The following CTNND2 variants were observed in gnomAD, a reference collection of about 807,000 sequenced individuals.
The protein encoded by CTNND2 is catenin delta-2.
Under a neutral mutation model 144.4 loss-of-function variants are expected in CTNND2, and 22 were observed. The observed-to-expected ratio is 0.15, with a 90% CI of 0.11 to 0.22. CTNND2 has a LOEUF of 0.22. Among genes scored for constraint, CTNND2 ranks in the 10% least tolerant of loss-of-function variants. The pLI is 1.00. For synonymous variants in CTNND2, 751 were observed against 695.6 expected (o/e 1.08, Z -1.25); for missense variants, 1,353 against 1,618.8 (o/e 0.84, Z 2.82).
chr5:11,828,525 C>T (rs556786384), intron 1 of CTNND2, among the ~76,000 whole-genome samples: 61 of 152,044 alleles, frequency 4.0e-4, no homozygotes, highest in Middle Eastern at 6.8e-3. Flanking sequence ...AGTGAAACTC[C>T]GACTAAAAAT....
chr5:11,291,255 CT>C (rs1376103657), intron 9 of CTNND2, among the ~76,000 whole-genome samples: 3 of 151,948 alleles, frequency 2.0e-5, no homozygotes, highest in African/African-American at 7.3e-5. Context: ...CTTTTCTTTT[CT>C]TTTTTTTCAA....
intron 11 of CTNND2, among the ~76,000 whole-genome samples, chr5:11,168,527 C>CTA (rs1759575815): frequency 6.6e-6 from 1 of 152,150 alleles, no homozygotes; most frequent in South Asian, 2.1e-4. Flanking sequence ...TTGCTTAGAA[C>CTA]TATAGCCTTC....
At chr5:11,521,207 T>C (rs1197235528) in intron 3 of CTNND2, among the ~76,000 whole-genome samples, 1 of 152,208 alleles carries the variant, frequency 6.6e-6, no homozygotes, top group Non-Finnish European at 1.5e-5. Flanking sequence ...TTAATGTTTT[T>C]TACCTTTTAA....
intron 9 of CTNND2, among the ~76,000 whole-genome samples, chr5:11,248,565 C>T (rs945800578): frequency 6.6e-6 from 1 of 152,124 alleles, no homozygotes; most frequent in Admixed American, 6.5e-5. Flanking sequence ...GACTAGAGCA[C>T]ACTTTCTTAT....
At chr5:11,367,212 C>T (rs1757066602) in intron 7 of CTNND2, among the ~76,000 whole-genome samples, 1 of 152,118 alleles carries the variant, frequency 6.6e-6, no homozygotes, top group South Asian at 2.1e-4. Context: ...ATTTACACTT[C>T]TTTTTATCCA....
At chr5:11,239,544 A>G (rs1168682949) in intron 9 of CTNND2, among the ~76,000 whole-genome samples, 1 of 152,180 alleles carries the variant, frequency 6.6e-6, no homozygotes, top group Non-Finnish European at 1.5e-5. Flanking sequence ...AGGCATTTAA[A>G]TACATTTAAA....
chr5:11,421,658 T>C (rs1303008747), intron 3 of CTNND2, among the ~76,000 whole-genome samples: 1 of 152,146 alleles, frequency 6.6e-6, no homozygotes, highest in African/African-American at 2.4e-5. Context: ...TGGCGGTGTC[T>C]GCATCTAAGC....
intron 1 of CTNND2, among the ~76,000 whole-genome samples, chr5:11,891,461 T>A (rs192160702): frequency 6.6e-6 from 1 of 152,156 alleles, no homozygotes. Flanking sequence ...TTGCGTCTTC[T>A]CCTCACCCAC....
Position 11,447,688 on chromosome 5 carries a change from C to G in CTNND2, c.288-35619G>C, listed in dbSNP as rs61755465. On this transcript the variant is annotated intron_variant, in intron 3 of 21. Coordinates refer to ENST00000304623, the MANE Select transcript of CTNND2 (RefSeq NM_001332.4). ...AATCTGGATGGCCTGTCCCTGAGGG[C>G]GGATGGGGGCTGTGTACACAAGGCA... Among the ~76,000 whole-genome samples the G allele has an allele frequency of 1.3e-3, 203 of 152,164 alleles. 6 individuals carry two copies. In the East Asian group the frequency reaches 0.032, roughly 24 times the overall value.
At chr5:11,736,433 C>G (rs1156352716) in intron 1 of CTNND2, among the ~76,000 whole-genome samples, 1 of 152,180 alleles carries the variant, frequency 6.6e-6, no homozygotes, top group East Asian at 1.9e-4. Context: ...TTCCTGAATG[C>G]AAATGACTTG....
intron 3 of CTNND2, among the ~76,000 whole-genome samples, chr5:11,564,313 A>G (rs1229726735): frequency 6.6e-6 from 1 of 152,206 alleles, no homozygotes; most frequent in African/African-American, 2.4e-5. Flanking sequence ...ACATGCACAC[A>G]TACACTTACA....
intron 13 of CTNND2, among the ~76,000 whole-genome samples, chr5:11,115,478 C>T (rs1340707131): frequency 6.6e-6 from 1 of 152,200 alleles, no homozygotes; most frequent in Non-Finnish European, 1.5e-5. Flanking sequence ...AGCATTGCCG[C>T]TTCAGTGATT....
chr5:11,261,660 C>G (rs1744870603), intron 9 of CTNND2, among the ~76,000 whole-genome samples: 1 of 152,214 alleles, frequency 6.6e-6, no homozygotes, highest in African/African-American at 2.4e-5. Context: ...CTCACCCACC[C>G]CAAGATGGAT....
At chr5:11,474,556 G>A (rs1037697002) in intron 3 of CTNND2, among the ~76,000 whole-genome samples, 1 of 152,174 alleles carries the variant, frequency 6.6e-6, no homozygotes, top group Admixed American at 6.6e-5. Flanking sequence ...GAAGGAACTG[G>A]TGTTTTCTTT....
At chr5:11,662,261 A>ATG (rs532140229) in intron 2 of CTNND2, among the ~76,000 whole-genome samples, 1,359 of 126,880 alleles carry the variant, frequency 0.011, 22 homozygotes, top group South Asian at 0.06. Context: ...GTGTGTATAT[A>ATG]TGTGTGTGTG....
intron 13 of CTNND2, among the ~76,000 whole-genome samples, chr5:11,113,734 G>A (rs2149688936): frequency 6.6e-6 from 1 of 152,330 alleles, no homozygotes; most frequent in South Asian, 2.1e-4. Flanking sequence ...AAGGAGGACA[G>A]CTAAAGCTGT....
At chr5:10,982,346 C>T (rs1737393868) in intron 20 of CTNND2, among the ~76,000 whole-genome samples, 1 of 152,234 alleles carries the variant, frequency 6.6e-6, no homozygotes, top group Non-Finnish European at 1.5e-5. Context: ...CTGCATGTCC[C>T]CCATGTATCT....
At chr5:11,294,434 T>C (rs901383580) in intron 9 of CTNND2, among the ~76,000 whole-genome samples, 7 of 152,180 alleles carry the variant, frequency 4.6e-5, no homozygotes, top group Non-Finnish European at 8.8e-5. Flanking sequence ...CAAGTGTTTT[T>C]CTTGAAAAGG....
At chr5:11,754,313 T>C (rs1478766328) in intron 1 of CTNND2, among the ~76,000 whole-genome samples, 1 of 151,560 alleles carries the variant, frequency 6.6e-6, no homozygotes, top group Non-Finnish European at 1.5e-5. Flanking sequence ...GGGCATATAG[T>C]GTTATAAATG....
Sources: gnomAD v4.1 joint callset for allele counts (sites outside exome capture counted in the v4.1 genomes callset) on GRCh38, gnomAD v4.1.1 for gene constraint, MANE v1.5 for transcripts, NCBI Gene and HGNC (gene_info 2026-07-23, HGNC 2026-07-21) for gene names.